MTFR1: variants seen among roughly 807,000 people sequenced by gnomAD.
MTFR1 encodes the protein mitochondrial fission regulator 1, also known as chondrocyte protein with a poly-proline region.
In MTFR1, 28 loss-of-function variants were observed where a neutral mutation model predicts 38.8. That is an observed-to-expected ratio of 0.72 (90% CI 0.53 to 0.99). The LOEUF (loss-of-function observed/expected upper bound fraction) is 0.99, where lower values mean the gene tolerates loss of function less well. Among genes scored for constraint, MTFR1 ranks in the 50% least tolerant of loss-of-function variants. The pLI, the probability that MTFR1 is intolerant of heterozygous loss-of-function variation, is 0.00. For synonymous variants in MTFR1, 145 were observed against 137.0 expected (o/e 1.06, Z -0.41); for missense variants, 358 against 395.5 (o/e 0.91, Z 0.81).
At chr8:65,662,668 A>G (rs1276733632) in intron 1 of MTFR1, among the ~76,000 whole-genome samples, 3 of 135,558 alleles carry the variant, frequency 2.2e-5, no homozygotes, top group African/African-American at 8.2e-5. Flanking sequence ...CTGCCTGGCA[A>G]CCGCCCCGTC....
At chr8:65,711,540 G>T (rs1013302597), downstream of MTFR1, among the ~76,000 whole-genome samples, 1 of 152,076 alleles carries the variant, frequency 6.6e-6, no homozygotes, top group African/African-American at 2.4e-5. Flanking sequence ...ATTGCAGTAG[G>T]TTCCTGTTTC....
intron 3 of MTFR1, among the ~76,000 whole-genome samples, chr8:65,688,807 G>GT (rs1389955342): frequency 6.6e-6 from 1 of 151,972 alleles, no homozygotes; most frequent in Non-Finnish European, 1.5e-5. Flanking sequence ...ATCTATGTAG[G>GT]TAAAAAGCTA....
At chr8:65,718,208 TA>T (rs1440955601) in intron 2 of MTFR1, 1 of 152,140 alleles carries the variant, frequency 6.6e-6, no homozygotes, top group Non-Finnish European at 1.5e-5. Flanking sequence ...TCTAAAATAA[TA>T]AATAAAAGCT....
intron 3 of MTFR1, chr8:65,765,636 T>C (rs1808743552): frequency 6.6e-6 from 1 of 151,868 alleles, no homozygotes; most frequent in Non-Finnish European, 1.5e-5. Flanking sequence ...GAAAACATAT[T>C]CCTTGTATTA....
downstream of MTFR1, among the ~76,000 whole-genome samples, chr8:65,713,926 G>C (rs2129061416): frequency 6.6e-6 from 1 of 152,046 alleles, no homozygotes. Flanking sequence ...GACGTGAGGT[G>C]ATCTGTCCGC....
chr8:65,688,094 C>T (rs546064847), intron 3 of MTFR1, among the ~76,000 whole-genome samples: 18 of 112,218 alleles, frequency 1.6e-4, no homozygotes, highest in Admixed American at 9.0e-4. Context: ...GGCAAGACTC[C>T]GTCTAAAAAA....
downstream of MTFR1, among the ~76,000 whole-genome samples, chr8:65,775,836 C>T (rs1360588850): frequency 4.6e-5 from 7 of 152,152 alleles, no homozygotes; most frequent in Non-Finnish European, 8.8e-5. Context: ...ACCATGTTGG[C>T]CAGGCTGGTC....
In MTFR1 at chr8:65,741,699, A is replaced by G. The variant is rs570199973; in HGVS notation, c.*48+22218A>G. Among the ~76,000 whole-genome samples the G allele has an allele frequency of 1.0e-4, 16 of 152,382 alleles. No homozygotes were observed. The South Asian group carries it at 2.1e-3, about 20-fold the overall frequency. On this transcript the variant is annotated intron_variant, in intron 3 of 3. Transcript: ENST00000521247. ...TGGAGCCATTTCTGAAGAAGTGAAC[A>G]ACGTGTCTGTTGCTATTGCTGTAAC...
At chr8:65,648,167 C>T (rs192114744) in intron 1 of MTFR1, among the ~76,000 whole-genome samples, 1 of 152,126 alleles carries the variant, frequency 6.6e-6, no homozygotes, top group Non-Finnish European at 1.5e-5. Context: ...CAGGCGCCCG[C>T]CACTAAGCCC....
In MTFR1 at chr8:65,676,458, G is replaced by T. The variant is rs192554640; in HGVS notation, c.67-5895G>T. ...GGCTCACTGTAGCCTCTGCCTCCCG[G>T]ATTCAAGTGATTCTCCTGCCTCAGC... On this transcript the variant is annotated intron_variant, in intron 2 of 7. Transcript: ENST00000262146. Among the ~76,000 whole-genome samples the T allele has an allele frequency of 4.6e-5, 7 of 152,220 alleles. No individual in the cohort carries two copies. The East Asian group carries it at 1.3e-3, about 29-fold the overall frequency.
At chr8:65,773,972 T>C (rs927522769), downstream of MTFR1, among the ~76,000 whole-genome samples, 75 of 152,228 alleles carry the variant, frequency 4.9e-4, no homozygotes, top group African/African-American at 1.7e-3. Context: ...ACTCTTTTAC[T>C]GATTTCCTTA....
At chr8:65,700,626 CTG>C (rs1471242090) in intron 4 of MTFR1, among the ~76,000 whole-genome samples, 1 of 152,136 alleles carries the variant, frequency 6.6e-6, no homozygotes, top group African/African-American at 2.4e-5. Context: ...AACGTATAGT[CTG>C]TGAAAGGAAA....
At chr8:65,662,820 C>T (rs532530196) in intron 1 of MTFR1, among the ~76,000 whole-genome samples, 2 of 146,932 alleles carry the variant, frequency 1.4e-5, no homozygotes, top group East Asian at 3.9e-4. Context: ...TGGGGGTCAG[C>T]CCCCCGCCCG....
chr8:65,775,870 C>T (rs1809244779), downstream of MTFR1, among the ~76,000 whole-genome samples: 1 of 152,174 alleles, frequency 6.6e-6, no homozygotes, highest in Non-Finnish European at 1.5e-5. Context: ...CTCAGGTGAT[C>T]CACCTGCCTC....
Position 65,719,210 on chromosome 8 carries a change from G to A in MTFR1, c.382-170G>A. On this transcript the variant is annotated intron_variant, in intron 2 of 3. Transcript: ENST00000521247. ...CACTTGGAAACCTTGGCAGTCAAGA[G>A]TTAAGTTCTCTCACCTCAAGACCCC... 3.2e-6 allele frequency: 3 copies of A among 926,664 alleles called. No individual in the cohort carries two copies. In the Admixed American group the frequency reaches 5.4e-5, roughly 17 times the overall value. 57.4% of individuals were successfully genotyped at this position (926,664 alleles called of 1,614,324 possible). A position where few individuals can be genotyped will look rare whatever the true frequency, so the allele number is the denominator to read the frequency against.
chr8:65,719,377 C>T, intron 2 of MTFR1: 7 of 1,614,050 alleles, frequency 4.3e-6, no homozygotes, highest in Non-Finnish European at 5.9e-6. Flanking sequence ...GTTCTCTCTG[C>T]AGTCCCTTCC....
Position 65,693,747 on chromosome 8 carries a change from C to T in MTFR1, c.269C>T (p.Ser90Leu). 6.2e-7 allele frequency: 1 copy of T among 1,613,566 alleles called. No individual in the cohort carries two copies. The highest frequency in any genetic ancestry group is 1.1e-5 in the South Asian group (1 of 91,036). Residue 90 changes from serine to leucine, a missense_variant, in exon 4 of 8, where the codon TCA becomes TTA. Transcript: ENST00000262146. Reference protein sequence around the residue: ...GWVAKEEGECSARLRTEVRSR... With the variant: ...GWVAKEEGECLARLRTEVRSR... ...GTAGCCAAAGAAGAAGGAGAGTGTT[C>T]AGCAAGACTAAGGTTAGTTTGGAAG...
intron 3 of MTFR1, among the ~76,000 whole-genome samples, chr8:65,736,531 T>C (rs1248191751): frequency 6.6e-6 from 1 of 152,100 alleles, no homozygotes; most frequent in Non-Finnish European, 1.5e-5. Context: ...GGCTGGAGGA[T>C]TGCTTGAGGC....
intron 3 of MTFR1, among the ~76,000 whole-genome samples, chr8:65,750,496 G>GTGTGTC (rs1563487011): frequency 6.9e-6 from 1 of 144,584 alleles, no homozygotes; most frequent in African/African-American, 2.8e-5. Context: ...GTGTGTGTGT[G>GTGTGTC]TGTGTGTCTG....
Sources: allele counts gnomAD v4.1 joint callset (sites outside exome capture counted in the v4.1 genomes callset), GRCh38; gene constraint gnomAD v4.1.1; transcripts MANE v1.5; gene names NCBI Gene and HGNC (gene_info 2026-07-23, HGNC 2026-07-21).